Variants in KALRN observed in about 807,000 individuals in gnomAD.
KALRN encodes the protein kalirin RhoGEF kinase.
KALRN carries 70 observed loss-of-function variants against 353.7 expected under a neutral mutation model. The observed-to-expected ratio is 0.20, with a 90% confidence interval of 0.16 to 0.24. KALRN has a LOEUF of 0.24. KALRN is among the 10% of genes least tolerant of loss of function. The probability of loss-of-function intolerance (pLI) is 1.00; values close to 1 mark genes in which losing one functional copy is unlikely to be tolerated. For synonymous variants in KALRN, 1,391 were observed against 1,434.8 expected (o/e 0.97, Z 0.69); for missense variants, 2,791 against 3,756.7 (o/e 0.74, Z 6.72).
At chr3:124,712,576 G>A (rs1054541201) in intron 57 of KALRN, among the ~76,000 whole-genome samples, 9 of 149,716 alleles carry the variant, frequency 6.0e-5, no homozygotes, top group African/African-American at 2.0e-4. Context: ...AGAGGCTTGA[G>A]CCTGGAAAGT....
chr3:124,690,894 A>G (rs58183628), intron 51 of KALRN, among the ~76,000 whole-genome samples: 2,244 of 152,342 alleles, frequency 0.015, 59 homozygotes, highest in African/African-American at 0.051. Context: ...TCCTTAGCAG[A>G]GACACTGGAA....
chr3:124,535,227 TA>T (rs946916013), intron 33 of KALRN, among the ~76,000 whole-genome samples: 6 of 152,148 alleles, frequency 3.9e-5, no homozygotes, highest in African/African-American at 1.4e-4. Flanking sequence ...TTGAATATAT[TA>T]AAATATATAA....
intron 35 of KALRN, among the ~76,000 whole-genome samples, chr3:124,633,352 G>T (rs2080989808): frequency 1.3e-5 from 2 of 152,316 alleles, no homozygotes; most frequent in South Asian, 2.1e-4. Flanking sequence ...ATATGTTTTG[G>T]TTGGGGAAAT....
At position 124,667,201 on chromosome 3, in the gene KALRN, T is replaced by A. The variant is rs955807339; in HGVS notation, c.6703+18T>A. ...TTTGAATGGTGGGTGCTGGGCTTGG[T>A]TCCTTGCAGGGCTGTGTCAGGGGAC... On this transcript the variant is annotated intron_variant, in intron 47 of 59. Coordinates refer to ENST00000682506, the MANE Select transcript of KALRN (RefSeq NM_001388419.1). 5 of 1,609,814 alleles carry A rather than the reference T, an allele frequency of 3.1e-6. No homozygotes were observed. The highest frequency in any genetic ancestry group is 4.2e-6 in the Non-Finnish European group (5 of 1,177,180).
chr3:124,438,555 T>C (rs2093558722), intron 17 of KALRN, among the ~76,000 whole-genome samples: 1 of 151,806 alleles, frequency 6.6e-6, no homozygotes, highest in Non-Finnish European at 1.5e-5. Context: ...ACCTAATTTA[T>C]AGTTATTGTG....
intron 33 of KALRN, among the ~76,000 whole-genome samples, chr3:124,509,312 A>G (rs932249141): frequency 6.6e-6 from 1 of 152,160 alleles, no homozygotes; most frequent in African/African-American, 2.4e-5. Context: ...GGGTTCAAGC[A>G]ATTCTGCTGC....
At chr3:124,175,774 T>G (rs1399168963) in intron 1 of KALRN, among the ~76,000 whole-genome samples, 1 of 152,230 alleles carries the variant, frequency 6.6e-6, no homozygotes, top group Non-Finnish European at 1.5e-5. Flanking sequence ...AGCACAGACG[T>G]GGTTGCCTTG....
intron 28 of KALRN, among the ~76,000 whole-genome samples, chr3:124,487,280 T>C (rs1167869668): frequency 1.3e-5 from 2 of 152,192 alleles, no homozygotes; most frequent in African/African-American, 4.8e-5. Context: ...AAATGATCTT[T>C]CCTCCACCAA....
At chr3:124,441,832 G>GAAA in intron 18 of KALRN, 113 bp from the exon 19 acceptor site, 7 of 498,870 alleles carry the variant, frequency 1.4e-5, no homozygotes, top group Admixed American at 3.9e-5. Flanking sequence ...TCTCAAAAAA[G>GAAA]AAAAAAAAAA....
At chr3:124,298,713 C>T (rs1560497073) in intron 5 of KALRN, 78 bp from the exon 6 acceptor site, 3 of 1,532,026 alleles carry the variant, frequency 2.0e-6, no homozygotes, top group East Asian at 2.3e-5. Context: ...GCTTTTTCCC[C>T]TTCCACTAGC....
intron 6 of KALRN, 89 bp from the exon 7 acceptor site, chr3:124,325,891 A>T (rs2079854163): frequency 9.2e-7 from 1 of 1,087,266 alleles, no homozygotes; most frequent in East Asian, 2.4e-5. Flanking sequence ...TGTTTTGGGC[A>T]GCTCCCTTCC....
intron 34 of KALRN, among the ~76,000 whole-genome samples, chr3:124,574,396 C>T (rs138072396): frequency 6.6e-6 from 1 of 152,338 alleles, no homozygotes; most frequent in Non-Finnish European, 1.5e-5. Flanking sequence ...ATGCCAATTT[C>T]AACAGCATGT....
At chr3:124,574,449 A>G (rs965737221) in intron 34 of KALRN, among the ~76,000 whole-genome samples, 1 of 152,218 alleles carries the variant, frequency 6.6e-6, no homozygotes, top group Non-Finnish European at 1.5e-5. Flanking sequence ...TGACATCTAC[A>G]TGATGATGAT....
In KALRN at chr3:124,329,868, C is replaced by T. The variant is rs781448055; in HGVS notation, c.1292C>T (p.Ser431Leu). 47 of 1,613,160 alleles carry T rather than the reference C, an allele frequency of 2.9e-5. No individual in the cohort carries two copies. Among genetic ancestry groups the T allele is most frequent in the African/African-American group, 4.0e-5 (3 of 74,880 alleles). The part of the protein sequence containing the change: ...VFHQKAEQFL[S>L]GVDAWCKMCS... ...CCCTGCATCTCCTTCCAGTTCCTGT[C>T]GGGAGTGGATGCCTGGTGCAAGATG... Residue 431 changes from serine to leucine, a missense_variant, in exon 8 of 60, where the codon TCG becomes TTG. Transcript: ENST00000682506.
chr3:124,643,832 A>T (rs2150012067), intron 37 of KALRN, among the ~76,000 whole-genome samples: 1 of 152,342 alleles, frequency 6.6e-6, no homozygotes, highest in East Asian at 1.9e-4. Flanking sequence ...GTTATGAGAT[A>T]CCCATAGATA....
chr3:124,365,256 C>T (rs887006858), intron 10 of KALRN, among the ~76,000 whole-genome samples: 2 of 152,122 alleles, frequency 1.3e-5, no homozygotes, highest in Non-Finnish European at 2.9e-5. Context: ...GAACATAATT[C>T]ACCCCTTTAA....
intron 51 of KALRN, among the ~76,000 whole-genome samples, chr3:124,688,819 G>T (rs1454673176): frequency 6.6e-6 from 1 of 152,156 alleles, no homozygotes. Context: ...GAAAATAGAC[G>T]CCAAGATTTC....
chr3:124,037,565 G>C (rs1349683238), intron 1 of KALRN, among the ~76,000 whole-genome samples: 1 of 152,168 alleles, frequency 6.6e-6, no homozygotes, highest in Non-Finnish European at 1.5e-5. Context: ...TGTGGTGTTT[G>C]GAAAGGTTAA....
At chr3:124,259,495 T>A (rs1298249842) in intron 3 of KALRN, among the ~76,000 whole-genome samples, 1 of 152,192 alleles carries the variant, frequency 6.6e-6, no homozygotes, top group East Asian at 1.9e-4. Context: ...TTTATGTCTA[T>A]TAGGCTTTAA....
Sources: gnomAD v4.1 joint callset for allele counts (sites outside exome capture counted in the v4.1 genomes callset) on GRCh38, gnomAD v4.1.1 for gene constraint, MANE v1.5 for transcripts, NCBI Gene and HGNC (gene_info 2026-07-23, HGNC 2026-07-21) for gene names.